TP63: variants seen among roughly 807,000 people sequenced by gnomAD.
TP63 encodes the protein tumor protein p63.
Under a neutral mutation model 82.8 loss-of-function variants are expected in TP63, and 17 were observed. The observed-to-expected ratio is 0.21, with a 90% CI of 0.14 to 0.31. TP63 has a LOEUF of 0.31. Ranked by LOEUF, TP63 falls within the 10% of genes least tolerant of loss-of-function variation. The probability of loss-of-function intolerance (pLI) is 1.00; values close to 1 mark genes in which losing one functional copy is unlikely to be tolerated. For missense variants in TP63, 648 were observed against 895.3 expected (o/e 0.72, Z 3.52); for synonymous variants, 330 against 321.7 (o/e 1.03, Z -0.28).
chr3:189,684,360 A>T (rs1243663625), intron 1 of TP63, among the ~76,000 whole-genome samples: 1 of 152,138 alleles, frequency 6.6e-6, no homozygotes, highest in Non-Finnish European at 1.5e-5. Flanking sequence ...CTGAACAGAG[A>T]GTTTTGAGGG....
intron 1 of TP63, among the ~76,000 whole-genome samples, chr3:189,685,872 A>G (rs1454981104): frequency 6.6e-6 from 1 of 152,178 alleles, no homozygotes; most frequent in African/African-American, 2.4e-5. Flanking sequence ...TGAGCTTTTT[A>G]AAAGAAGGGA....
At chr3:189,618,266 G>A in the TP63 span, among the ~76,000 whole-genome samples, 1 of 152,190 alleles carries the variant, frequency 6.6e-6, no homozygotes, top group Non-Finnish European at 1.5e-5. Context: ...TACCTCTTCA[G>A]TCAACAAATT....
At chr3:189,738,557 A>C (rs957624157) in intron 2 of TP63, 85 bp from the exon 3 acceptor site, 99 of 1,602,070 alleles carry the variant, frequency 6.2e-5, no homozygotes, top group East Asian at 9.0e-5. Context: ...ACTTTGAAGC[A>C]GAAAATGCTT....
At chr3:189,689,679 G>A (rs954352935) in intron 1 of TP63, among the ~76,000 whole-genome samples, 60 of 152,098 alleles carry the variant, frequency 3.9e-4, no homozygotes, top group African/African-American at 1.4e-3. Context: ...AAAAGGATAG[G>A]TAACATTGGT....
At chr3:189,882,064 AT>A (rs1363595189) in intron 10 of TP63, among the ~76,000 whole-genome samples, 14 of 152,154 alleles carry the variant, frequency 9.2e-5, no homozygotes, top group South Asian at 2.1e-4. Context: ...AGAAAAAAAA[AT>A]CTTTATATTT....
At chr3:189,876,245 G>A (rs1162597369) in intron 10 of TP63, among the ~76,000 whole-genome samples, 1 of 152,112 alleles carries the variant, frequency 6.6e-6, no homozygotes, top group South Asian at 2.1e-4. Flanking sequence ...CAGTTCAGGG[G>A]CATATGCTAA....
At chr3:189,768,953 C>T (rs1228780432) in intron 3 of TP63, among the ~76,000 whole-genome samples, 1 of 152,162 alleles carries the variant, frequency 6.6e-6, no homozygotes, top group East Asian at 1.9e-4. Flanking sequence ...GCAAATTAAT[C>T]TGGCTGCAGA....
At chr3:189,692,701 A>G (rs1717034273) in intron 1 of TP63, among the ~76,000 whole-genome samples, 1 of 152,232 alleles carries the variant, frequency 6.6e-6, no homozygotes, top group South Asian at 2.1e-4. Context: ...GATGGTCATC[A>G]CAGAATCATT....
upstream of TP63, among the ~76,000 whole-genome samples, chr3:189,629,715 C>T (rs1484502869): frequency 1.3e-5 from 2 of 152,166 alleles, no homozygotes; most frequent in Non-Finnish European, 2.9e-5. Context: ...TTCTAGGTGC[C>T]TCACGGGCAC....
intron 10 of TP63, among the ~76,000 whole-genome samples, chr3:189,875,615 T>TATATATACAC (rs1424366953): frequency 5.4e-5 from 6 of 110,410 alleles, no homozygotes; most frequent in African/African-American, 2.0e-4. Context: ...TATATATATA[T>TATATATACAC]ATATATATAT....
At chr3:189,841,357 C>G (rs1013563835) in intron 4 of TP63, among the ~76,000 whole-genome samples, 11 of 152,192 alleles carry the variant, frequency 7.2e-5, no homozygotes, top group Admixed American at 1.3e-4. Flanking sequence ...GCTCTATAAA[C>G]TGTTAAGGAC....
chr3:189,677,948 CTTG>C (rs1172706324), intron 1 of TP63, among the ~76,000 whole-genome samples: 4 of 151,682 alleles, frequency 2.6e-5, no homozygotes, highest in Non-Finnish European at 5.9e-5. Flanking sequence ...GTGATTATTT[CTTG>C]TTGTTTTTGT....
At chr3:189,662,447 A>C (rs936024652) in intron 1 of TP63, among the ~76,000 whole-genome samples, 1 of 151,586 alleles carries the variant, frequency 6.6e-6, no homozygotes, top group Non-Finnish European at 1.5e-5. Flanking sequence ...GTATTATTTC[A>C]GTTTTTTTTA....
chr3:189,641,638 A>G (rs1199009617), intron 1 of TP63, among the ~76,000 whole-genome samples: 3 of 152,138 alleles, frequency 2.0e-5, no homozygotes, highest in Admixed American at 6.5e-5. Flanking sequence ...GTATCTCATC[A>G]TATCTATGTA....
chr3:189,728,173 A>T (rs1257867340), intron 1 of TP63, among the ~76,000 whole-genome samples: 4 of 39,908 alleles, frequency 1.0e-4, no homozygotes, highest in East Asian at 7.2e-4. Flanking sequence ...TTTCGTTTAT[A>T]AAAAAAAAAA....
intron 1 of TP63, among the ~76,000 whole-genome samples, chr3:189,700,466 C>T (rs1171744907): frequency 4.6e-5 from 7 of 152,014 alleles, no homozygotes; most frequent in Admixed American, 3.3e-4. Flanking sequence ...CCCAAAATTG[C>T]GTATGAGAAA....
intron 3 of TP63, among the ~76,000 whole-genome samples, chr3:189,771,284 T>A (rs1193858148): frequency 1.5e-5 from 2 of 137,416 alleles, no homozygotes; most frequent in Non-Finnish European, 3.1e-5. Flanking sequence ...AATATATATA[T>A]AAATATATAT....
intron 3 of TP63, among the ~76,000 whole-genome samples, chr3:189,792,555 A>G (rs1725260118): frequency 6.6e-6 from 1 of 152,108 alleles, no homozygotes; most frequent in Non-Finnish European, 1.5e-5. Context: ...TGAAGGAAAG[A>G]CACTTTGGTA....
At chr3:189,872,473 A>G (rs1414951938) in intron 9 of TP63, among the ~76,000 whole-genome samples, 2 of 152,048 alleles carry the variant, frequency 1.3e-5, no homozygotes, top group Non-Finnish European at 2.9e-5. Flanking sequence ...TCTCTCACTT[A>G]GGGACACTAG....
Sources: allele counts gnomAD v4.1 joint callset (sites outside exome capture counted in the v4.1 genomes callset), GRCh38; gene constraint gnomAD v4.1.1; transcripts MANE v1.5; gene names NCBI Gene and HGNC (gene_info 2026-07-23, HGNC 2026-07-21).